Variants in TMEM192 observed in about 807,000 individuals in gnomAD.
TMEM192 encodes the protein transmembrane protein 192.
TMEM192 carries 20 observed loss-of-function variants against 26.7 expected under a neutral mutation model. The ratio of observed to expected loss-of-function variants is 0.75; its 90% CI spans 0.53 to 1.09. The LOEUF (loss-of-function observed/expected upper bound fraction) is 1.09. Among genes scored for constraint, TMEM192 ranks in the 50% least tolerant of loss-of-function variants. The pLI is 0.00. For missense variants in TMEM192, 304 were observed against 322.6 expected, an observed-to-expected ratio of 0.94 and a Z score of 0.44; for synonymous variants, 124 against 121.0, an observed-to-expected ratio of 1.02 and a Z score of -0.16.
rs185753871 is a variant in TMEM192, at chr4:165,090,296, T to C, written c.440-1694A>G. On this transcript the variant is annotated intron_variant, in intron 3 of 5. Transcript: ENST00000306480. ...CACTTGAGAGTTTGAGGTGGTAGAA[T>C]TGCTTGAACCCGGGGGGCAGAGTTT... Among the ~76,000 whole-genome samples, 20 of 150,186 alleles carry C rather than the reference T, an allele frequency of 1.3e-4. No individual in the cohort carries two copies. The East Asian group carries it at 3.5e-3, about 27-fold the overall frequency.
At chr4:165,090,879 C>G (rs1325135428) in intron 3 of TMEM192, among the ~76,000 whole-genome samples, 1 of 116,324 alleles carries the variant, frequency 8.6e-6, no homozygotes, top group Non-Finnish European at 1.7e-5. Context: ...ACTCCAGACT[C>G]CAGACTGGGC....
At chr4:165,090,282 T>C (rs1734728573) in intron 3 of TMEM192, among the ~76,000 whole-genome samples, 1 of 149,210 alleles carries the variant, frequency 6.7e-6, no homozygotes, top group Admixed American at 6.7e-5. Context: ...ACTTGAGAGT[T>C]TGAGGTGGTA....
intron 1 of TMEM192, among the ~76,000 whole-genome samples, chr4:165,104,436 G>C (rs983129706): frequency 2.0e-5 from 3 of 152,310 alleles, no homozygotes; most frequent in Non-Finnish European, 4.4e-5. Flanking sequence ...CAAAGATAAG[G>C]ACAGTAATCT....
Position 165,071,646 on chromosome 4 carries a change from C to G in TMEM192, c.*8012G>C, listed in dbSNP as rs1180949409. The G allele has an allele frequency of 6.6e-6, 1 of 152,190 alleles. No individual in the cohort carries two copies. The highest frequency in any genetic ancestry group is 2.4e-5 in the African/African-American group (1 of 41,378). 9.4% of individuals were successfully genotyped at this position (152,190 alleles called of 1,614,324 possible). On this transcript the variant is annotated 3_prime_UTR_variant, in exon 6 of 6. Coordinates refer to ENST00000306480, the MANE Select transcript of TMEM192 (RefSeq NM_001100389.2). ...AAAGATATATGGGAGTTGATCCTTC[C>G]AGGCAGAGGGAACAGCAACCGCAAA...
chr4:165,090,438 A>G (rs923210135), intron 3 of TMEM192, among the ~76,000 whole-genome samples: 1 of 151,800 alleles, frequency 6.6e-6, no homozygotes, highest in African/African-American at 2.4e-5. Flanking sequence ...GGTTGCCAGG[A>G]GGGTGGTGCA....
At chr4:165,108,992 G>A (rs1167221063) in intron 1 of TMEM192, among the ~76,000 whole-genome samples, 2 of 152,188 alleles carry the variant, frequency 1.3e-5, no homozygotes, top group Admixed American at 6.5e-5. Flanking sequence ...CTCTGAGATT[G>A]CTACCCTTCA....
chr4:165,073,616 G>A lies in TMEM192; in HGVS notation c.*6042C>T, dbSNP rs1028885159. Reference sequence around the variant, plus strand: ...TCTTTGCAGTTGAGATAAGAGGAAGGCTTCTGTCTCCTGCTCGTCCCTGGG... The same window carrying A: ...TCTTTGCAGTTGAGATAAGAGGAAGACTTCTGTCTCCTGCTCGTCCCTGGG... On this transcript the variant is annotated 3_prime_UTR_variant, in exon 6 of 6. Coordinates refer to ENST00000306480, the MANE Select transcript of TMEM192 (RefSeq NM_001100389.2). 2.6e-5 allele frequency: 4 copies of A among 152,050 alleles called. No individual in the cohort carries two copies. Among genetic ancestry groups the A allele is most frequent in the Non-Finnish European group, 5.9e-5 (4 of 68,088 alleles). 9.4% of individuals were successfully genotyped at this position (152,050 alleles called of 1,614,324 possible).
Position 165,073,595 on chromosome 4 carries a change from T to C in TMEM192, c.*6063A>G, listed in dbSNP as rs1460561157. 1.3e-5 allele frequency: 2 copies of C among 151,636 alleles called. No individual in the cohort carries two copies. Among genetic ancestry groups the C allele is most frequent in the African/African-American group, 2.4e-5 (1 of 41,268 alleles). 9.4% of individuals were successfully genotyped at this position (151,636 alleles called of 1,614,324 possible). A position where few individuals can be genotyped will look rare whatever the true frequency, so the allele number is the denominator to read the frequency against. ...GAGTAGTGAAAGAGGGAGGCCTCTT[T>C]GCAGTTGAGATAAGAGGAAGGCTTC... On this transcript the variant is annotated 3_prime_UTR_variant, in exon 6 of 6. Transcript: ENST00000306480.
intron 5 of TMEM192, among the ~76,000 whole-genome samples, chr4:165,084,386 A>G (rs1165202898): frequency 6.6e-6 from 1 of 151,156 alleles, no homozygotes; most frequent in African/African-American, 2.4e-5. Flanking sequence ...TTTAGTAGAG[A>G]TGGGGTTTCA....
chr4:165,079,847 T>C lies in TMEM192; in HGVS notation c.678-51A>G, dbSNP rs374733693. On this transcript the variant is annotated intron_variant, in intron 5 of 5. Transcript: ENST00000306480. ...GTTACACATATTCACCAATACTCAT[T>C]AGTGTCTTTGCAAATGAGTACCTAC... 55 of 1,554,152 alleles carry C rather than the reference T, an allele frequency of 3.5e-5. No homozygotes were observed. The African/African-American group carries it at 6.0e-4, about 17-fold the overall frequency.
intron 2 of TMEM192, among the ~76,000 whole-genome samples, chr4:165,101,840 G>T (rs1735045483): frequency 6.6e-6 from 1 of 152,176 alleles, no homozygotes; most frequent in African/African-American, 2.4e-5. Flanking sequence ...AATCCCAGCT[G>T]CAGGGGAAGC....
intron 3 of TMEM192, among the ~76,000 whole-genome samples, chr4:165,098,298 T>C (rs1192817129): frequency 6.6e-6 from 1 of 151,922 alleles, no homozygotes; most frequent in Non-Finnish European, 1.5e-5. Flanking sequence ...CTAATTTTTG[T>C]ATTTTTAGTA....
intron 1 of TMEM192, among the ~76,000 whole-genome samples, chr4:165,108,133 T>G (rs1455571584): frequency 1.6e-5 from 1 of 61,134 alleles, no homozygotes; most frequent in Non-Finnish European, 3.8e-5. Flanking sequence ...TTTTTTTTTT[T>G]TTTTTTGGAG....
chr4:165,085,904 G>A (rs1199602190), intron 4 of TMEM192, among the ~76,000 whole-genome samples: 1 of 151,904 alleles, frequency 6.6e-6, no homozygotes. Flanking sequence ...AACACATGAG[G>A]CACAGTTTAA....
intron 1 of TMEM192, among the ~76,000 whole-genome samples, chr4:165,107,953 G>A (rs1187486366): frequency 6.6e-6 from 1 of 151,912 alleles, no homozygotes; most frequent in Non-Finnish European, 1.5e-5. Flanking sequence ...AATGTTTAAT[G>A]TTCACATGCT....
At chr4:165,088,837 G>A (rs145216835) in intron 3 of TMEM192, among the ~76,000 whole-genome samples, 46 of 151,788 alleles carry the variant, frequency 3.0e-4, no homozygotes, top group African/African-American at 9.2e-4. Context: ...CCAGGTGGTC[G>A]AGACCAGCTT....
chr4:165,105,920 C>T (rs1300760606), intron 1 of TMEM192, among the ~76,000 whole-genome samples: 3 of 152,218 alleles, frequency 2.0e-5, no homozygotes, highest in African/African-American at 7.2e-5. Context: ...TAAATGAGAT[C>T]AGTGCCCTTA....
intron 1 of TMEM192, among the ~76,000 whole-genome samples, chr4:165,108,287 A>C (rs938844145): frequency 1.3e-5 from 2 of 151,612 alleles, no homozygotes; most frequent in African/African-American, 4.8e-5. Flanking sequence ...ACGCCCGGCT[A>C]ATTTTTTGTA....
chr4:165,098,255 G>T (rs1734959620), intron 3 of TMEM192, among the ~76,000 whole-genome samples: 1 of 151,760 alleles, frequency 6.6e-6, no homozygotes, highest in Non-Finnish European at 1.5e-5. Flanking sequence ...CTCCCGAGTA[G>T]CTGGGATTAC....
Sources: gnomAD v4.1 joint callset for allele counts (sites outside exome capture counted in the v4.1 genomes callset) on GRCh38, gnomAD v4.1.1 for gene constraint, MANE v1.5 for transcripts, NCBI Gene and HGNC (gene_info 2026-07-23, HGNC 2026-07-21) for gene names.